The following NPDC1 variants were observed in gnomAD, a reference collection of about 807,000 sequenced individuals.
NPDC1 encodes the protein neural proliferation, differentiation and control 1, also known as neural proliferation differentiation and control protein 1.
Under a neutral mutation model 32.5 loss-of-function variants are expected in NPDC1, and 18 were observed. That is an observed-to-expected ratio of 0.55 (90% CI 0.38 to 0.82). The LOEUF (loss-of-function observed/expected upper bound fraction) is 0.82. Ranked by LOEUF, NPDC1 falls within the 40% of genes least tolerant of loss-of-function variation. NPDC1 has a pLI of 0.00. For synonymous variants in NPDC1, 210 were observed against 184.7 expected (o/e 1.14, Z -1.11); for missense variants, 468 against 406.6 (o/e 1.15, Z -1.30).
intron 1 of NPDC1, among the ~76,000 whole-genome samples, chr9:137,045,623 T>C (rs891769861): frequency 3.3e-5 from 5 of 152,092 alleles, no homozygotes; most frequent in Admixed American, 2.6e-4. Flanking sequence ...GAAGAAGCCA[T>C]GAATGTAAGG....
At chr9:137,040,775 G>T in intron 4 of NPDC1, 38 bp from the exon 5 acceptor site, 1 of 1,584,336 alleles carries the variant, frequency 6.3e-7, no homozygotes. Context: ...CTTCTGCAGG[G>T]CGCCCTGCTG....
At position 137,043,049 on chromosome 9, in the gene NPDC1, A is replaced by G. The variant is rs780865389; in HGVS notation, c.137T>C (p.Leu46Pro). The G allele has an allele frequency of 1.2e-6, 2 of 1,612,790 alleles. No individual in the cohort carries two copies. Among genetic ancestry groups the G allele is most frequent in the Non-Finnish European group, 8.5e-7 (1 of 1,179,916 alleles). Reference sequence around the variant, plus strand: ...TGCCCGCCTCTTCAGGGCACAGTCCAGGCTCCCGGGACAGGCGGCTACATC... The same window carrying G: ...TGCCCGCCTCTTCAGGGCACAGTCCGGGCTCCCGGGACAGGCGGCTACATC... The part of the protein sequence containing the change: ...HPDVAACPGS[L>P]DCALKRRARC... Residue 46 changes from leucine to proline, a missense_variant, in exon 2 of 9, where the codon CTG (leucine) becomes CCG (proline). Coordinates refer to ENST00000371601, the MANE Select transcript of NPDC1 (RefSeq NM_015392.4).
Position 137,040,507 on chromosome 9 carries a change from CA to C in NPDC1, c.708+6del, listed in dbSNP as rs1564246015. The C allele has an allele frequency of 1.3e-6, 2 of 1,588,844 alleles. No homozygotes were observed. The highest frequency in any genetic ancestry group is 1.7e-6 in the Non-Finnish European group (2 of 1,172,238). On this transcript the variant is annotated splice_donor_region_variant and intron_variant, in intron 6 of 8. Transcript: ENST00000371601. ...CGGGAGCCTCAGGGCTGAAGGGGGCCACACACCGAGATCCGGGGAGCTGCAG... is the reference window on the plus strand; with the variant it reads ...CGGGAGCCTCAGGGCTGAAGGGGGCCCACACCGAGATCCGGGGAGCTGCAG...
At position 137,040,610 on chromosome 9, in the gene NPDC1, G is replaced by T. The variant is rs762585872; in HGVS notation, c.624-12C>A. Reference sequence around the variant, plus strand: ...TCTCACGCTGCAGCCTGTGGGGAGTGGGGCCTGAGACCTCTGAGCGTGTGG... The same window carrying T: ...TCTCACGCTGCAGCCTGTGGGGAGTTGGGCCTGAGACCTCTGAGCGTGTGG... On this transcript the variant is annotated splice_polypyrimidine_tract_variant and intron_variant, in intron 5 of 8. Transcript: ENST00000371601. The T allele has an allele frequency of 6.4e-7, 1 of 1,566,228 alleles. No homozygotes were observed. The highest frequency in any genetic ancestry group is 8.6e-7 in the Non-Finnish European group (1 of 1,160,842).
Position 137,042,984 on chromosome 9 carries a change from G to T in NPDC1, c.202C>A (p.Gln68Lys), listed in dbSNP as rs766764291. 7.4e-6 allele frequency: 12 copies of T among 1,612,700 alleles called. No homozygotes were observed. The highest frequency in any genetic ancestry group is 5.9e-6 in the Non-Finnish European group (7 of 1,179,880). The change falls in exon 2 of 9, where the codon CAG (glutamine) becomes AAG (lysine). Residue 68 changes from glutamine to lysine, a missense_variant. Coordinates refer to ENST00000371601, the MANE Select transcript of NPDC1 (RefSeq NM_015392.4). Reference sequence around the variant, plus strand: ...CCTTGCTGGTCCTCCTGGAAGGGCTGAAGGCAGGGCCCACAGGCATGTGCA... The same window carrying T: ...CCTTGCTGGTCCTCCTGGAAGGGCTTAAGGCAGGGCCCACAGGCATGTGCA... ...PGAHACGPCL[Q>K]PFQEDQQGLC...
At chr9:137,043,213 C>T (rs1832084106) in intron 1 of NPDC1, 140 bp from the exon 2 acceptor site, 3 of 949,224 alleles carry the variant, frequency 3.2e-6, no homozygotes, top group East Asian at 5.2e-5. Flanking sequence ...TCTGGACATG[C>T]CCTTCCTCCC....
intron 1 of NPDC1, among the ~76,000 whole-genome samples, chr9:137,044,550 G>A (rs1320409367): frequency 6.6e-6 from 1 of 152,172 alleles, no homozygotes; most frequent in East Asian, 1.9e-4. Context: ...CCTGAAAAGA[G>A]GTCGCAGGAA....
chr9:137,043,276 T>C (rs758478205), intron 1 of NPDC1: 1 of 728,182 alleles, frequency 1.4e-6, no homozygotes, highest in South Asian at 1.5e-5. Context: ...TTATCAGAAC[T>C]ACCCTGCCCC....
At position 137,039,574 on chromosome 9, in the gene NPDC1, G is replaced by C. The variant is rs1367264090; in HGVS notation, c.*198C>G. 2 of 568,754 alleles carry C rather than the reference G, an allele frequency of 3.5e-6. No homozygotes were observed. The highest frequency in any genetic ancestry group is 3.1e-6 in the Non-Finnish European group (1 of 322,524). The allele number at this position is 568,754 out of a possible 1,614,324, so 35.2% of individuals were successfully genotyped here. ...CAGTTTGGGGGTCTAAACCGAACAG[G>C]AGAGGTGCAGGGGACCAGGAGGTGT... On this transcript the variant is annotated 3_prime_UTR_variant, in exon 9 of 9. Transcript: ENST00000371601.
Position 137,039,729 on chromosome 9 carries a change from G to T in NPDC1, c.*43C>A, listed in dbSNP as rs745451946. ...CTCCAGGCCCTGCCCCTCCCCGGGG[G>T]CCTCGAGGTCGGGGAGCAGGTGGGC... is the stretch of plus-strand genomic sequence containing the variant. On this transcript the variant is annotated 3_prime_UTR_variant, in exon 9 of 9. Transcript: ENST00000371601. 15 of 718,022 alleles carry T rather than the reference G, an allele frequency of 2.1e-5. No individual in the cohort carries two copies. The highest frequency in any genetic ancestry group is 1.9e-4 in the Admixed American group (9 of 48,420). The allele number at this position is 718,022 out of a possible 1,614,324, so 44.5% of individuals were successfully genotyped here.
intron 1 of NPDC1, among the ~76,000 whole-genome samples, chr9:137,045,556 C>T (rs1588550303): frequency 6.6e-6 from 1 of 152,222 alleles, no homozygotes; most frequent in African/African-American, 2.4e-5. Flanking sequence ...TCCCGGCGGG[C>T]CCGCCCAGAG....
At chr9:137,043,625 C>A in intron 1 of NPDC1, 1 of 534,798 alleles carries the variant, frequency 1.9e-6, no homozygotes. Flanking sequence ...CCGAGGACAC[C>A]TAAGATGGAG....
In NPDC1 at chr9:137,040,077, G is replaced by T; in HGVS notation, c.789-10C>A. On this transcript the variant is annotated splice_polypyrimidine_tract_variant and intron_variant, in intron 7 of 8. Transcript: ENST00000371601. Reference sequence around the variant, plus strand: ...GGGTGGCTCTTTATGCCTGGGTGGGGGGGGATCGCTGGGTCCTCCCCATGC... The same window carrying T: ...GGGTGGCTCTTTATGCCTGGGTGGGTGGGGATCGCTGGGTCCTCCCCATGC... 1.3e-6 allele frequency: 1 copy of T among 776,354 alleles called. No homozygotes were observed. Among genetic ancestry groups the T allele is most frequent in the Non-Finnish European group, 2.4e-6 (1 of 417,510 alleles). The allele number at this position is 776,354 out of a possible 1,614,324, so 48.1% of individuals were successfully genotyped here. A position where few individuals can be genotyped will look rare whatever the true frequency, so the allele number is the denominator to read the frequency against.
At chr9:137,040,226 A>G in intron 7 of NPDC1, 131 bp downstream of exon 7, 1 of 827,568 alleles carries the variant, frequency 1.2e-6, no homozygotes, top group Non-Finnish European at 1.9e-6. Context: ...GCGGCGGGGG[A>G]GGTGAAGGTT....
intron 2 of NPDC1, 124 bp from the exon 3 acceptor site, chr9:137,041,311 T>C (rs72763223): frequency 0.022 from 23,730 of 1,078,552 alleles, 353 homozygotes; most frequent in Non-Finnish European, 0.026. Context: ...CTGGAGGCCC[T>C]CTCCCTCCCA....
Position 137,040,494 on chromosome 9 carries a change from G to C in NPDC1, c.708+20C>G. 4 of 1,585,284 alleles carry C rather than the reference G, an allele frequency of 2.5e-6. No individual in the cohort carries two copies. Among genetic ancestry groups the C allele is most frequent in the Non-Finnish European group, 3.4e-6 (4 of 1,169,712 alleles). On this transcript the variant is annotated intron_variant, in intron 6 of 8. Transcript: ENST00000371601. Reference sequence around the variant, plus strand: ...GGCCAGAGTTGGGCGGGAGCCTCAGGGCTGAAGGGGGCCACACACCGAGAT... The same window carrying C: ...GGCCAGAGTTGGGCGGGAGCCTCAGCGCTGAAGGGGGCCACACACCGAGAT...
At position 137,040,825 on chromosome 9, in the gene NPDC1, C is replaced by T. The variant is rs1482964031; in HGVS notation, c.545G>A (p.Gly182Asp). 1 of 1,594,522 alleles carries T rather than the reference C, an allele frequency of 6.3e-7. No individual in the cohort carries two copies. Among genetic ancestry groups the T allele is most frequent in the African/African-American group, 1.3e-5 (1 of 74,916 alleles). The part of the protein sequence containing the change: ...PLEPRGGQGD[G>D]LALVLILAFC... ...CGACCAAGACCTACCAAGGGCGAGG[C>T]CGTCGCCTTGCCCTCCCCGGGGCTC... Residue 182 changes from glycine (G) to aspartate (D), a missense_variant, in exon 4 of 9, where the codon GGC becomes GAC. Coordinates refer to ENST00000371601, the MANE Select transcript of NPDC1 (RefSeq NM_015392.4).
chr9:137,040,316 G>T (rs1246315181), intron 7 of NPDC1, 41 bp downstream of exon 7: 1 of 1,473,462 alleles, frequency 6.8e-7, no homozygotes, highest in Admixed American at 2.0e-5. Flanking sequence ...GGGGATGGGG[G>T]GTGGGTGGGT....
intron 2 of NPDC1, 34 bp downstream of exon 2, chr9:137,042,893 A>G (rs1832079091): frequency 2.7e-5 from 43 of 1,565,310 alleles, no homozygotes; most frequent in Non-Finnish European, 3.6e-5. Context: ...ATGCAGGGAC[A>G]TCCCCCCATC....
Sources: gnomAD v4.1 joint callset for allele counts (sites outside exome capture counted in the v4.1 genomes callset) on GRCh38, gnomAD v4.1.1 for gene constraint, MANE v1.5 for transcripts, NCBI Gene and HGNC (gene_info 2026-07-23, HGNC 2026-07-21) for gene names.